The following SORCS2 variants were observed in gnomAD, a reference collection of about 807,000 sequenced individuals.
SORCS2 encodes sortilin related VPS10 domain containing receptor 2, also known as VPS10 domain-containing receptor SorCS2.
Under a neutral mutation model 141.6 loss-of-function variants are expected in SORCS2, and 100 were observed. The ratio of observed to expected loss-of-function variants is 0.71; its 90% CI spans 0.60 to 0.83. The LOEUF is 0.83. Among genes scored for constraint, SORCS2 ranks in the 40% least tolerant of loss-of-function variants. The pLI is 0.00. For missense variants in SORCS2, 1,646 were observed against 1,560.2 expected (o/e 1.05, Z -0.93); for synonymous variants, 789 against 676.9 (o/e 1.17, Z -2.57).
chr4:7,734,665 C>T (rs568334565), intron 25 of SORCS2, among the ~76,000 whole-genome samples: 1 of 152,348 alleles, frequency 6.6e-6, no homozygotes, highest in African/African-American at 2.4e-5. Context: ...CCACCCACCT[C>T]ACAGGGAGGA....
intron 2 of SORCS2, among the ~76,000 whole-genome samples, chr4:7,449,421 G>C (rs530418651): frequency 1.1e-5 from 1 of 87,652 alleles, no homozygotes; most frequent in African/African-American, 4.6e-5. Context: ...AGGATGGAAC[G>C]TACAGACTGA....
chr4:7,450,505 A>G lies in SORCS2; in HGVS notation c.548+54150A>G, dbSNP rs577411772. ...CTGTGACCCACATGCCAATGCCCCCATTCCAGGTCAGGCTCCCAACCTTGC... is the reference window on the plus strand; with the variant it reads ...CTGTGACCCACATGCCAATGCCCCCGTTCCAGGTCAGGCTCCCAACCTTGC... On this transcript the variant is annotated intron_variant, in intron 2 of 26. Coordinates refer to ENST00000507866, the MANE Select transcript of SORCS2 (RefSeq NM_020777.3). 9.9e-5 allele frequency among the ~76,000 whole-genome samples: 15 copies of G among 152,266 alleles called. No homozygotes were observed. The South Asian group carries it at 3.1e-3, about 32-fold the overall frequency.
chr4:7,412,949 C>T (rs1725413694), intron 2 of SORCS2, among the ~76,000 whole-genome samples: 1 of 152,176 alleles, frequency 6.6e-6, no homozygotes, highest in Admixed American at 6.5e-5. Context: ...CTGGCAGAAG[C>T]TCTGGGACCA....
intron 4 of SORCS2, among the ~76,000 whole-genome samples, chr4:7,651,525 G>A (rs1721449420): frequency 6.6e-6 from 1 of 152,188 alleles, no homozygotes; most frequent in Non-Finnish European, 1.5e-5. Flanking sequence ...CAGTTGCTGT[G>A]CCAGACCCCT....
At chr4:7,210,496 G>T (rs1388356157) in intron 1 of SORCS2, among the ~76,000 whole-genome samples, 1 of 152,166 alleles carries the variant, frequency 6.6e-6, no homozygotes, top group Admixed American at 6.5e-5. Flanking sequence ...GCCCAGGCTG[G>T]TGTTGAACTC....
intron 1 of SORCS2, among the ~76,000 whole-genome samples, chr4:7,340,063 C>G (rs1052699753): frequency 2.0e-5 from 3 of 152,214 alleles, no homozygotes; most frequent in African/African-American, 4.8e-5. Context: ...GGCACTGGCC[C>G]AGGTGCTGGG....
At chr4:7,284,103 C>A (rs368263536) in intron 1 of SORCS2, among the ~76,000 whole-genome samples, 7 of 152,236 alleles carry the variant, frequency 4.6e-5, no homozygotes, top group African/African-American at 1.7e-4. Context: ...AGGATTGCGC[C>A]CAGGGAACCT....
At chr4:7,646,320 C>T (rs1721075678) in intron 4 of SORCS2, among the ~76,000 whole-genome samples, 2 of 152,218 alleles carry the variant, frequency 1.3e-5, no homozygotes. Context: ...GGAAGGTACG[C>T]ATCCGTATGG....
At chr4:7,668,995 G>C (rs778810904) in intron 8 of SORCS2, among the ~76,000 whole-genome samples, 31 of 152,212 alleles carry the variant, frequency 2.0e-4, no homozygotes, top group Non-Finnish European at 3.8e-4. Flanking sequence ...ATGGCTATAA[G>C]TCATGACCTC....
At chr4:7,308,092 G>A (rs2108914065) in intron 1 of SORCS2, among the ~76,000 whole-genome samples, 1 of 152,236 alleles carries the variant, frequency 6.6e-6, no homozygotes, top group East Asian at 1.9e-4. Context: ...TAGTCAGGAT[G>A]CCTGGAACCC....
chr4:7,304,104 A>C (rs1244483171), intron 1 of SORCS2, among the ~76,000 whole-genome samples: 1 of 152,224 alleles, frequency 6.6e-6, no homozygotes, highest in Non-Finnish European at 1.5e-5. Context: ...GTTGACGCCT[A>C]TATGTGCCAG....
At chr4:7,341,238 TCTG>T (rs1183868096) in intron 1 of SORCS2, among the ~76,000 whole-genome samples, 1 of 152,206 alleles carries the variant, frequency 6.6e-6, no homozygotes, top group Non-Finnish European at 1.5e-5. Context: ...TGGTGAACCT[TCTG>T]CTCACGCTGC....
chr4:7,508,144 C>A (rs1235337696), intron 2 of SORCS2, among the ~76,000 whole-genome samples: 1 of 145,488 alleles, frequency 6.9e-6, no homozygotes. Context: ...GTGGGAGAAG[C>A]TTTGTGGTAA....
chr4:7,497,419 C>G (rs370133873), intron 2 of SORCS2, among the ~76,000 whole-genome samples: 2 of 151,838 alleles, frequency 1.3e-5, no homozygotes, highest in African/African-American at 4.8e-5. Flanking sequence ...CCCTCCCAAA[C>G]CCACACCCAG....
At position 7,734,033 on chromosome 4, in the gene SORCS2, G is replaced by A. The variant is rs561265557; in HGVS notation, c.3209-239G>A. Among the ~76,000 whole-genome samples the A allele has an allele frequency of 7.3e-5, 11 of 151,674 alleles. No individual in the cohort carries two copies. In the South Asian group the frequency reaches 8.3e-4, roughly 11 times the overall value. On this transcript the variant is annotated intron_variant, in intron 24 of 26. Coordinates refer to ENST00000507866, the MANE Select transcript of SORCS2 (RefSeq NM_020777.3). ...GGATAGGCAGGGACAGGCAGGGGACGGGCAGGAACAGGTGGGGGACAGGAA... is the reference window on the plus strand; with the variant it reads ...GGATAGGCAGGGACAGGCAGGGGACAGGCAGGAACAGGTGGGGGACAGGAA...
chr4:7,591,410 C>T (rs1716905276), intron 3 of SORCS2, among the ~76,000 whole-genome samples: 1 of 152,158 alleles, frequency 6.6e-6, no homozygotes, highest in African/African-American at 2.4e-5. Context: ...GTGCTACCCC[C>T]TGCGAGCTCC....
intron 2 of SORCS2, among the ~76,000 whole-genome samples, chr4:7,405,048 G>C (rs1216256931): frequency 7.9e-5 from 12 of 152,110 alleles, no homozygotes; most frequent in Middle Eastern, 3.4e-3. Flanking sequence ...GAGAGATAGG[G>C]GTCCGTTTTC....
chr4:7,617,610 C>T (rs144300776), intron 3 of SORCS2, among the ~76,000 whole-genome samples: 9 of 152,214 alleles, frequency 5.9e-5, no homozygotes, highest in African/African-American at 1.7e-4. Flanking sequence ...TGGGCACAAG[C>T]GTGGAGCAAG....
In SORCS2 at chr4:7,740,256, G is replaced by A. The variant is rs1483337964; in HGVS notation, c.3472G>A (p.Val1158Met). Residue 1158 changes from valine (V) to methionine (M), a missense_variant, in exon 27 of 27, where the codon GTG (valine) becomes ATG (methionine). Coordinates refer to ENST00000507866, the MANE Select transcript of SORCS2 (RefSeq NM_020777.3). ...INSREMHSYL[V>M]S Reference sequence around the variant, plus strand: ...CTCCCGAGAGATGCACAGCTACCTGGTGAGCTGATGCCACCCCAGCATCTG... The same window carrying A: ...CTCCCGAGAGATGCACAGCTACCTGATGAGCTGATGCCACCCCAGCATCTG... 2.5e-6 allele frequency: 4 copies of A among 1,609,416 alleles called. No homozygotes were observed. The highest frequency in any genetic ancestry group is 2.2e-5 in the South Asian group (2 of 90,832).
Sources: gnomAD v4.1 joint callset for allele counts (sites outside exome capture counted in the v4.1 genomes callset) on GRCh38, gnomAD v4.1.1 for gene constraint, MANE v1.5 for transcripts, NCBI Gene and HGNC (gene_info 2026-07-23, HGNC 2026-07-21) for gene names.